CLNK: variants seen among roughly 807,000 people sequenced by gnomAD.
CLNK encodes the protein cytokine-dependent hematopoietic cell linker.
Under a neutral mutation model 68.6 loss-of-function variants are expected in CLNK, and 74 were observed. That is an observed-to-expected ratio of 1.08 (90% CI 0.89 to 1.31). The LOEUF (loss-of-function observed/expected upper bound fraction) is 1.31. CLNK is among the 50% of genes most tolerant of loss of function. CLNK has a pLI of 0.00. For missense variants in CLNK, 553 were observed against 515.3 expected, an observed-to-expected ratio of 1.07 and a Z score of -0.71; for synonymous variants, 198 against 172.2, an observed-to-expected ratio of 1.15 and a Z score of -1.17.
At chr4:10,593,447 G>C (rs1669968237) in intron 3 of CLNK, among the ~76,000 whole-genome samples, 1 of 152,056 alleles carries the variant, frequency 6.6e-6, no homozygotes, top group South Asian at 2.1e-4. Context: ...TTGAGGTCAG[G>C]AGTTCGAGAC....
Position 10,503,258 on chromosome 4 carries a change from C to T in CLNK, c.985-1847G>A, listed in dbSNP as rs910111512. 6.6e-5 allele frequency among the ~76,000 whole-genome samples: 10 copies of T among 151,928 alleles called. No individual in the cohort carries two copies. The South Asian group carries it at 1.5e-3, about 22-fold the overall frequency. ...GGTGGATCACTTGAGGTCAGGAGTTCGAGACTTAGCCCGGCTGACATGGGG... is the reference window on the plus strand; with the variant it reads ...GGTGGATCACTTGAGGTCAGGAGTTTGAGACTTAGCCCGGCTGACATGGGG... On this transcript the variant is annotated intron_variant, in intron 17 of 18. Transcript: ENST00000226951.
chr4:10,610,594 C>T (rs1213272136), intron 2 of CLNK, among the ~76,000 whole-genome samples: 3 of 151,834 alleles, frequency 2.0e-5, no homozygotes, highest in Admixed American at 2.0e-4. Context: ...TTTTCTCTGT[C>T]TCGACTGTCA....
At chr4:10,660,430 A>G (rs754378417) in intron 2 of CLNK, among the ~76,000 whole-genome samples, 2 of 152,234 alleles carry the variant, frequency 1.3e-5, no homozygotes, top group Non-Finnish European at 2.9e-5. Flanking sequence ...AATATCCAAT[A>G]CCATTTACCG....
chr4:10,610,006 C>T (rs1041574355), intron 2 of CLNK, among the ~76,000 whole-genome samples: 5 of 132,364 alleles, frequency 3.8e-5, no homozygotes. Flanking sequence ...AATTAAGCCT[C>T]GTTATGTGCC....
chr4:10,623,320 C>T (rs531437701), intron 2 of CLNK, among the ~76,000 whole-genome samples: 3 of 152,246 alleles, frequency 2.0e-5, no homozygotes, highest in Admixed American at 6.5e-5. Flanking sequence ...GAGAAGCAGC[C>T]GTCTTATAGG....
At chr4:10,677,992 T>A (rs1724943802) in intron 1 of CLNK, among the ~76,000 whole-genome samples, 1 of 152,326 alleles carries the variant, frequency 6.6e-6, no homozygotes, top group South Asian at 2.1e-4. Flanking sequence ...AGAGACTTCT[T>A]CTGAGCCAAG....
chr4:10,618,245 TGAA>T (rs1270799389), intron 2 of CLNK, among the ~76,000 whole-genome samples: 2 of 152,100 alleles, frequency 1.3e-5, no homozygotes, highest in African/African-American at 2.4e-5. Context: ...AAAAATATCA[TGAA>T]AAGTGAAAGA....
At chr4:10,623,373 T>A (rs112310619) in intron 2 of CLNK, among the ~76,000 whole-genome samples, 2 of 152,192 alleles carry the variant, frequency 1.3e-5, no homozygotes, top group African/African-American at 4.8e-5. Context: ...TTTCAACAAA[T>A]GTTTGTTGAG....
At chr4:10,711,227 T>G in the CLNK span, among the ~76,000 whole-genome samples, 49,280 of 152,048 alleles carry the variant, frequency 0.32, 8,392 homozygotes, top group African/African-American at 0.41. Flanking sequence ...TTGCACTAAG[T>G]CATGGGAATT....
At chr4:10,581,560 C>A (rs531049073) in intron 4 of CLNK, among the ~76,000 whole-genome samples, 1 of 152,166 alleles carries the variant, frequency 6.6e-6, no homozygotes, top group Admixed American at 6.5e-5. Context: ...AGTAGGTGGC[C>A]CTTGGAAGTT....
At chr4:10,504,222 G>C (rs537756424) in intron 17 of CLNK, among the ~76,000 whole-genome samples, 1 of 140,574 alleles carries the variant, frequency 7.1e-6, no homozygotes, top group Non-Finnish European at 1.5e-5. Flanking sequence ...CTGGGTTCAC[G>C]CCGTTCTCCT....
chr4:10,681,556 C>T (rs1324252827), intron 1 of CLNK, among the ~76,000 whole-genome samples: 1 of 152,208 alleles, frequency 6.6e-6, no homozygotes, highest in Non-Finnish European at 1.5e-5. Context: ...CATTTAAACA[C>T]AATAGGATTT....
intron 5 of CLNK, among the ~76,000 whole-genome samples, 190 bp downstream of exon 5, chr4:10,571,551 G>A (rs11945572): frequency 0.05 from 7,654 of 152,008 alleles, 233 homozygotes; most frequent in Middle Eastern, 0.099. Context: ...AGCCAGGTTG[G>A]TCTTGAACTC....
chr4:10,498,668 A>G (rs552901465), intron 18 of CLNK, among the ~76,000 whole-genome samples: 1 of 152,308 alleles, frequency 6.6e-6, no homozygotes, highest in South Asian at 2.1e-4. Context: ...AATAGTAATG[A>G]AAATATAACT....
the CLNK span, among the ~76,000 whole-genome samples, chr4:10,707,245 CA>C: frequency 2.0e-5 from 3 of 151,990 alleles, no homozygotes; most frequent in African/African-American, 7.3e-5. Flanking sequence ...AAAAAAATCA[CA>C]AAAAAACTCA....
At chr4:10,631,904 C>G (rs1439160876) in intron 2 of CLNK, among the ~76,000 whole-genome samples, 1 of 152,076 alleles carries the variant, frequency 6.6e-6, no homozygotes, top group Non-Finnish European at 1.5e-5. Context: ...TCAAATATGT[C>G]TTTTTTTGAG....
At chr4:10,534,442 C>G (rs1467137854) in intron 11 of CLNK, among the ~76,000 whole-genome samples, 2 of 152,086 alleles carry the variant, frequency 1.3e-5, no homozygotes, top group Non-Finnish European at 2.9e-5. Context: ...ATATAGGTCT[C>G]TCCAGGAATG....
chr4:10,572,131 C>G (rs1270446575), intron 4 of CLNK, among the ~76,000 whole-genome samples: 2 of 152,208 alleles, frequency 1.3e-5, no homozygotes, highest in Admixed American at 6.5e-5. Context: ...TCAGCAGCAG[C>G]TCAGCTAATG....
chr4:10,563,180 C>A (rs1340468181), intron 7 of CLNK, among the ~76,000 whole-genome samples: 2 of 152,036 alleles, frequency 1.3e-5, no homozygotes, highest in African/African-American at 4.8e-5. Flanking sequence ...GTTAAACAGA[C>A]AATGAATATA....
Sources: allele counts gnomAD v4.1 joint callset (sites outside exome capture counted in the v4.1 genomes callset), GRCh38; gene constraint gnomAD v4.1.1; transcripts MANE v1.5; gene names NCBI Gene and HGNC (gene_info 2026-07-23, HGNC 2026-07-21).